Variants in ESR1 observed in about 807,000 individuals in gnomAD.
The protein encoded by ESR1 is estrogen receptor 1.
A neutral mutation model predicts 52.7 loss-of-function variants in ESR1; 12 were observed. That is an observed-to-expected ratio of 0.23 (90% CI 0.15 to 0.37). The LOEUF (loss-of-function observed/expected upper bound fraction) is 0.37. ESR1 is among the 10% of genes least tolerant of loss of function. The probability of loss-of-function intolerance (pLI) is 1.00; values close to 1 mark genes in which losing one functional copy is unlikely to be tolerated. For synonymous variants in ESR1, 305 were observed against 316.8 expected (o/e 0.96, Z 0.39); for missense variants, 584 against 779.7 (o/e 0.75, Z 2.99).
intron 4 of ESR1, among the ~76,000 whole-genome samples, chr6:152,006,771 T>C (rs978698663): frequency 6.6e-6 from 1 of 152,084 alleles, no homozygotes; most frequent in African/African-American, 2.4e-5. Flanking sequence ...GACTGACATT[T>C]TGGAGAACAT....
intron 5 of ESR1, among the ~76,000 whole-genome samples, chr6:152,035,327 T>A (rs1458602004): frequency 2.6e-5 from 4 of 151,320 alleles, no homozygotes; most frequent in Non-Finnish European, 5.9e-5. Context: ...TATATACATT[T>A]TATAGCAGCA....
intron 2 of ESR1, among the ~76,000 whole-genome samples, chr6:151,857,060 G>T (rs1787980128): frequency 6.6e-6 from 1 of 152,164 alleles, no homozygotes; most frequent in Non-Finnish European, 1.5e-5. Flanking sequence ...GTGTGTGCGT[G>T]TGTATTCATA....
At chr6:151,724,303 G>C (rs183760929) in intron 2 of ESR1, among the ~76,000 whole-genome samples, 2 of 152,202 alleles carry the variant, frequency 1.3e-5, no homozygotes, top group Non-Finnish European at 2.9e-5. Context: ...ATGAAGTGAA[G>C]GCTATCATGT....
chr6:151,736,284 AT>A (rs1348210105), intron 2 of ESR1, among the ~76,000 whole-genome samples: 2 of 151,796 alleles, frequency 1.3e-5, no homozygotes, highest in African/African-American at 4.9e-5. Flanking sequence ...ATGAAATTGT[AT>A]TGTGGATCAT....
chr6:151,698,839 G>T (rs966288008), intron 1 of ESR1, among the ~76,000 whole-genome samples: 1 of 152,166 alleles, frequency 6.6e-6, no homozygotes, highest in Non-Finnish European at 1.5e-5. Flanking sequence ...CCAGGAGAGG[G>T]TGACATGATA....
intron 2 of ESR1, among the ~76,000 whole-genome samples, chr6:151,789,407 G>A (rs1787317776): frequency 6.6e-6 from 1 of 152,230 alleles, no homozygotes; most frequent in East Asian, 1.9e-4. Context: ...AACAAATATG[G>A]GAAAAATAAG....
intron 4 of ESR1, among the ~76,000 whole-genome samples, chr6:151,956,794 A>C (rs947849759): frequency 3.5e-5 from 5 of 144,380 alleles, no homozygotes; most frequent in African/African-American, 1.3e-4. Context: ...GTATACATAC[A>C]TATATATGTA....
intron 2 of ESR1, among the ~76,000 whole-genome samples, chr6:151,873,433 T>G (rs1385460299): frequency 6.6e-6 from 1 of 152,160 alleles, no homozygotes; most frequent in Non-Finnish European, 1.5e-5. Context: ...AGAGAGAATA[T>G]TTGGCTAGAC....
intron 6 of ESR1, among the ~76,000 whole-genome samples, chr6:152,124,654 C>T (rs951963835): frequency 4.0e-5 from 6 of 151,678 alleles, no homozygotes; most frequent in Non-Finnish European, 7.4e-5. Context: ...ATTAACTGCC[C>T]TTGTGCTAAG....
intron 2 of ESR1, among the ~76,000 whole-genome samples, chr6:151,847,955 T>A (rs1278375916): frequency 4.7e-5 from 7 of 149,096 alleles, no homozygotes; most frequent in African/African-American, 1.7e-4. Context: ...AAATACCATT[T>A]GACCCAGCTA....
chr6:152,066,670 C>T (rs1355138933), intron 6 of ESR1, among the ~76,000 whole-genome samples: 1 of 152,244 alleles, frequency 6.6e-6, no homozygotes, highest in Non-Finnish European at 1.5e-5. Context: ...TAGGCAGCCA[C>T]TCAACTTTGG....
chr6:152,065,060 C>G (rs1461683506), intron 6 of ESR1, among the ~76,000 whole-genome samples: 1 of 152,126 alleles, frequency 6.6e-6, no homozygotes, highest in African/African-American at 2.4e-5. Context: ...CTGGCTTAAA[C>G]GGAGTAGGTT....
intron 2 of ESR1, among the ~76,000 whole-genome samples, chr6:151,716,794 A>G (rs181208104): frequency 1.3e-5 from 2 of 152,292 alleles, no homozygotes; most frequent in East Asian, 3.9e-4. Context: ...CCACTGAGCT[A>G]GAACATTGGC....
intron 1 of ESR1, among the ~76,000 whole-genome samples, chr6:151,683,109 T>A (rs1778520916): frequency 6.6e-6 from 1 of 152,256 alleles, no homozygotes; most frequent in South Asian, 2.1e-4. Context: ...CTGGGCTGCT[T>A]AAATATGTAC....
intron 5 of ESR1, among the ~76,000 whole-genome samples, chr6:152,027,181 G>A (rs1261493820): frequency 6.6e-6 from 1 of 152,070 alleles, no homozygotes; most frequent in East Asian, 1.9e-4. Context: ...GGCCAGGCTG[G>A]TCACGAATTC....
intron 4 of ESR1, among the ~76,000 whole-genome samples, chr6:151,954,457 A>G (rs1027683941): frequency 1.3e-5 from 2 of 152,236 alleles, no homozygotes; most frequent in African/African-American, 4.8e-5. Flanking sequence ...ATGTAATAAA[A>G]TGATGGAAGT....
chr6:151,749,618 A>C (rs78965164), intron 2 of ESR1, among the ~76,000 whole-genome samples: 1 of 152,176 alleles, frequency 6.6e-6, no homozygotes, highest in Non-Finnish European at 1.5e-5. Flanking sequence ...ATTACTTCTG[A>C]AAATACACTG....
chr6:152,054,702 G>C (rs971876123), intron 5 of ESR1, among the ~76,000 whole-genome samples: 1 of 152,152 alleles, frequency 6.6e-6, no homozygotes, highest in Non-Finnish European at 1.5e-5. Flanking sequence ...AAATAGCAAA[G>C]TCTATGAGCT....
rs2050890926 is a variant in ESR1 at position 152,099,593 on chromosome 6, A to G, written c.*627A>G. ...GGCACACAGGGAAGGCAGATCCCCT[A>G]GTTGGCAAGACTATTTTAACTTGAT... On this transcript the variant is annotated 3_prime_UTR_variant, in exon 8 of 8. Coordinates refer to ENST00000206249, the MANE Select transcript of ESR1 (RefSeq NM_000125.4). 4.1e-6 allele frequency: 1 copy of G among 241,140 alleles called. No homozygotes were observed. Among genetic ancestry groups the G allele is most frequent in the Non-Finnish European group, 8.1e-6 (1 of 123,628 alleles). 14.9% of individuals were successfully genotyped at this position (241,140 alleles called of 1,614,324 possible).
Sources: gnomAD v4.1 joint callset for allele counts (sites outside exome capture counted in the v4.1 genomes callset) on GRCh38, gnomAD v4.1.1 for gene constraint, MANE v1.5 for transcripts, NCBI Gene and HGNC (gene_info 2026-07-23, HGNC 2026-07-21) for gene names.